CEP192: variants seen among roughly 807,000 people sequenced by gnomAD.
The protein encoded by CEP192 is centrosomal protein 192, also known as centrosomal protein of 192 kDa.
Under a neutral mutation model 271.8 loss-of-function variants are expected in CEP192, and 151 were observed. The observed-to-expected ratio is 0.56, with a 90% CI of 0.49 to 0.64. The LOEUF is 0.64. Among genes scored for constraint, CEP192 ranks in the 30% least tolerant of loss-of-function variants. The probability of loss-of-function intolerance (pLI) is 0.00; values close to 1 mark genes in which losing one functional copy is unlikely to be tolerated. For synonymous variants in CEP192, 995 were observed against 1,076.5 expected, an observed-to-expected ratio of 0.92 and a Z score of 1.48; for missense variants, 2,910 against 3,020.5, an observed-to-expected ratio of 0.96 and a Z score of 0.86.
intron 9 of CEP192, among the ~76,000 whole-genome samples, chr18:13,025,789 A>G (rs950155462): frequency 6.6e-6 from 1 of 152,200 alleles, no homozygotes; most frequent in Admixed American, 6.5e-5. Flanking sequence ...ATATAAGCAT[A>G]TATGTGTGTC....
intron 1 of CEP192, among the ~76,000 whole-genome samples, chr18:12,994,234 T>C: frequency 6.6e-6 from 1 of 152,180 alleles, no homozygotes; most frequent in Admixed American, 6.5e-5. Context: ...TAAATGGATG[T>C]GATTGACTGT....
chr18:13,036,441 C>G (rs968302092), intron 11 of CEP192, among the ~76,000 whole-genome samples: 4 of 152,230 alleles, frequency 2.6e-5, no homozygotes, highest in Non-Finnish European at 5.9e-5. Context: ...GCTCACCATT[C>G]ACTTTTCTCC....
chr18:13,062,540 T>A (rs2037463819), intron 21 of CEP192, among the ~76,000 whole-genome samples: 2 of 151,414 alleles, frequency 1.3e-5, no homozygotes, highest in South Asian at 2.1e-4. Flanking sequence ...TTTTTTTTTT[T>A]AATCATTCTG....
chr18:13,109,321 C>T (rs2040100831), intron 40 of CEP192, among the ~76,000 whole-genome samples: 1 of 152,146 alleles, frequency 6.6e-6, no homozygotes, highest in South Asian at 2.1e-4. Context: ...CATTTTCTCA[C>T]TTATAAGTTG....
At chr18:13,091,572 T>C (rs1371259236) in intron 33 of CEP192, among the ~76,000 whole-genome samples, 2 of 152,250 alleles carry the variant, frequency 1.3e-5, no homozygotes, top group East Asian at 3.8e-4. Context: ...TTTTACAAAA[T>C]GTGTAATTTG....
chr18:13,042,262 T>G lies in CEP192; in HGVS notation c.1995T>G (p.Val665=), dbSNP rs189969363. The part of the protein sequence containing the change: ...QLSEGSITLQ[V]EAVESTSQVD... ...GTGAAGGATCAATTACACTTCAGGT[T>G]GAAGCAGTAGAGAGTACTTCACAAG... The change falls in exon 15 of 45, where the codon GTT becomes GTG. Residue 665 remains valine (V), a synonymous_variant. Transcript: ENST00000506447. 8.0e-5 allele frequency: 129 copies of G among 1,613,748 alleles called. 1 individual carries two copies. Among genetic ancestry groups the G allele is most frequent in the South Asian group, 6.7e-4 (61 of 91,066 alleles).
At chr18:13,041,397 C>T (rs377192871) in intron 14 of CEP192, among the ~76,000 whole-genome samples, 1 of 152,034 alleles carries the variant, frequency 6.6e-6, no homozygotes, top group African/African-American at 2.4e-5. Flanking sequence ...TTTGTTAGTA[C>T]AATGTCTTGT....
intron 15 of CEP192, among the ~76,000 whole-genome samples, chr18:13,045,388 G>A (rs867101346): frequency 1.3e-5 from 2 of 152,246 alleles, no homozygotes; most frequent in Middle Eastern, 6.8e-3. Flanking sequence ...TGAAATAATT[G>A]ATTTAGGCCA....
At chr18:13,068,547 T>G (rs2037837255) in intron 24 of CEP192, 125 bp downstream of exon 24, 4 of 907,446 alleles carry the variant, frequency 4.4e-6, no homozygotes, top group Non-Finnish European at 6.7e-6. Context: ...TTATGTTTTT[T>G]TGAAATTGAG....
chr18:13,099,580 A>G lies in CEP192; in HGVS notation c.6662A>G (p.Lys2221Arg). The change falls in exon 37 of 45, where the codon AAG becomes AGG. Residue 2221 changes from lysine to arginine, a missense_variant and splice_region_variant. Coordinates refer to ENST00000506447, the MANE Select transcript of CEP192 (RefSeq NM_032142.4). The stretch of plus-strand genomic sequence containing the variant: ...TATATACACTGTGACGATGGACAGA[A>G]GGTACTTTTAAAAGTGGTTTGGTTT... ...LIYIHCDDGQ[K>R]KIVKVQIRED... 6.6e-6 allele frequency: 10 copies of G among 1,510,512 alleles called. No individual in the cohort carries two copies. Among genetic ancestry groups the G allele is most frequent in the Non-Finnish European group, 8.9e-6 (10 of 1,117,710 alleles). 93.6% of individuals were successfully genotyped at this position (1,510,512 alleles called of 1,614,324 possible).
intron 12 of CEP192, among the ~76,000 whole-genome samples, chr18:13,037,877 T>C (rs2035997551): frequency 6.6e-6 from 1 of 152,114 alleles, no homozygotes; most frequent in Non-Finnish European, 1.5e-5. Context: ...TTTTAAAATA[T>C]GTTTTAAAGT....
chr18:13,105,167 C>T (rs1175167361), intron 40 of CEP192, 88 bp downstream of exon 40: 3 of 898,474 alleles, frequency 3.3e-6, no homozygotes, highest in Non-Finnish European at 5.6e-6. Flanking sequence ...CTTGTTTCAC[C>T]TGGAGCAGTG....
At position 13,058,579 on chromosome 18, in the gene CEP192, T is replaced by G. The variant is rs114802285; in HGVS notation, c.4258-503T>G. 279 of 154,622 alleles carry G rather than the reference T, an allele frequency of 1.8e-3. 3 individuals are homozygous for G. The highest frequency in any genetic ancestry group is 6.6e-3 in the African/African-American group (272 of 41,408). The allele number at this position is 154,622 out of a possible 1,614,324, so 9.6% of individuals were successfully genotyped here. ...AAGACTTTTTGGGGGCATCCTGGAG[T>G]CTGTGAATGAAGCAGTGTTGTCTAT... On this transcript the variant is annotated intron_variant, in intron 20 of 44. Coordinates refer to ENST00000506447, the MANE Select transcript of CEP192 (RefSeq NM_032142.4).
At chr18:13,011,304 T>TA (rs1189607911) in intron 4 of CEP192, among the ~76,000 whole-genome samples, 28 of 149,454 alleles carry the variant, frequency 1.9e-4, no homozygotes, top group Non-Finnish European at 2.4e-4. Flanking sequence ...ACTATAATAA[T>TA]AAAAAAAAAG....
At chr18:12,991,575 C>T (rs2032847912) in intron 1 of CEP192, 138 bp downstream of exon 1, 1 of 152,532 alleles carries the variant, frequency 6.6e-6, no homozygotes, top group African/African-American at 2.4e-5. Context: ...GGGGCGGCCT[C>T]AGGGCGCGAG....
intron 11 of CEP192, among the ~76,000 whole-genome samples, chr18:13,036,441 C>A (rs968302092): frequency 6.6e-6 from 1 of 152,230 alleles, no homozygotes; most frequent in Non-Finnish European, 1.5e-5. Flanking sequence ...GCTCACCATT[C>A]ACTTTTCTCC....
rs190570859 is a variant in CEP192, at chr18:13,097,632, T to C, written c.6557+1325T>C. Among the ~76,000 whole-genome samples the C allele has an allele frequency of 1.3e-4, 19 of 150,516 alleles. No homozygotes were observed. In the South Asian group the frequency reaches 1.5e-3, roughly 12 times the overall value. ...GGCATGGTTTGTTTTCTTTTCTTTT[T>C]TTTTTTTTTAACTATTATTTTTTTT... is the stretch of plus-strand genomic sequence containing the variant. On this transcript the variant is annotated intron_variant, in intron 36 of 44. Transcript: ENST00000506447.
At chr18:13,106,382 CA>C in intron 40 of CEP192, among the ~76,000 whole-genome samples, 1 of 151,512 alleles carries the variant, frequency 6.6e-6, no homozygotes, top group South Asian at 2.1e-4. Context: ...CAGCTACCAC[CA>C]CCATCACCAC....
At chr18:12,994,169 A>G (rs761167104) in intron 1 of CEP192, among the ~76,000 whole-genome samples, 1 of 152,214 alleles carries the variant, frequency 6.6e-6, no homozygotes, top group Non-Finnish European at 1.5e-5. Context: ...AAATTATTTC[A>G]TTGGAAGAAG....
Sources: allele counts gnomAD v4.1 joint callset (sites outside exome capture counted in the v4.1 genomes callset), GRCh38; gene constraint gnomAD v4.1.1; transcripts MANE v1.5; gene names NCBI Gene and HGNC (gene_info 2026-07-23, HGNC 2026-07-21).